Variants in BPIFA2 observed in about 807,000 individuals in gnomAD.
BPIFA2 encodes the protein BPI fold containing family A member 2, also known as BPI fold-containing family A member 2.
In BPIFA2, 20 loss-of-function variants were observed where a neutral mutation model predicts 25.7. The ratio of observed to expected loss-of-function variants is 0.78; its 90% CI spans 0.55 to 1.13. The LOEUF (loss-of-function observed/expected upper bound fraction) is 1.13. BPIFA2 is among the 50% of genes most tolerant of loss of function. The probability of loss-of-function intolerance (pLI) is 0.00; values close to 1 mark genes in which losing one functional copy is unlikely to be tolerated. For synonymous variants in BPIFA2, 126 were observed against 124.3 expected (o/e 1.01, Z -0.09); for missense variants, 300 against 298.1 (o/e 1.01, Z -0.05).
chr20:33,165,482 C>G (rs1477093501), upstream of BPIFA2, among the ~76,000 whole-genome samples: 1 of 152,170 alleles, frequency 6.6e-6, no homozygotes, highest in East Asian at 1.9e-4. Context: ...CAGCTGAGCA[C>G]CCCCCAGCCT....
At position 33,173,081 on chromosome 20, in the gene BPIFA2, G is replaced by C. The variant is rs370683552; in HGVS notation, c.302+5G>C. The C allele has an allele frequency of 1.4e-5, 22 of 1,613,386 alleles. No individual in the cohort carries two copies. The highest frequency in any genetic ancestry group is 1.8e-5 in the Non-Finnish European group (21 of 1,179,726). On this transcript the variant is annotated splice_donor_5th_base_variant and intron_variant, in intron 3 of 8. Transcript: ENST00000354932. ...AACTAACACGGACATTTTTGGGTGA[G>C]TTGGTCCTTCAGGGTGGAGATCTTT...
chr20:33,165,886 C>T (rs142280947), upstream of BPIFA2, among the ~76,000 whole-genome samples: 106 of 152,132 alleles, frequency 7.0e-4, no homozygotes, highest in African/African-American at 2.5e-3. Context: ...TTTCTTTTTC[C>T]GGAATGACTC....
chr20:33,166,721 G>A (rs1349671656), upstream of BPIFA2, among the ~76,000 whole-genome samples: 5 of 152,134 alleles, frequency 3.3e-5, no homozygotes, highest in African/African-American at 4.8e-5. Flanking sequence ...CTAGGTCCTT[G>A]CCTGTCCACC....
intron 5 of BPIFA2, 146 bp downstream of exon 5, chr20:33,175,705 T>C: frequency 2.4e-6 from 2 of 834,508 alleles, no homozygotes; most frequent in Admixed American, 6.2e-5. Context: ...ACACATCAGC[T>C]CTGCCACTAA....
intron 2 of BPIFA2, among the ~76,000 whole-genome samples, chr20:33,169,612 G>A (rs1004616229): frequency 2.6e-5 from 4 of 152,214 alleles, no homozygotes; most frequent in African/African-American, 9.6e-5. Context: ...GTCTACGAAA[G>A]TGCCTTTTTT....
At chr20:33,163,126 G>A (rs549790121) in intron 1 of BPIFA2, among the ~76,000 whole-genome samples, 42 of 152,334 alleles carry the variant, frequency 2.8e-4, no homozygotes, top group African/African-American at 1.0e-3. Flanking sequence ...CAGGACCCAG[G>A]TGAGACGCTC....
rs775419708 is a variant in BPIFA2 at position 33,174,048 on chromosome 20, G to T, written c.303-31G>T. On this transcript the variant is annotated intron_variant, in intron 3 of 8. Coordinates refer to ENST00000354932, the MANE Select transcript of BPIFA2 (RefSeq NM_080574.4). ...GGTTGGCAAGTGGCTGTCATGAGGA[G>T]TGACAAGGGTGAATTGTGGGTTTCA... The T allele has an allele frequency of 1.1e-5, 18 of 1,583,012 alleles. No homozygotes were observed. The South Asian group carries it at 1.9e-4, about 17-fold the overall frequency.
At position 33,173,017 on chromosome 20, in the gene BPIFA2, T is replaced by C. The variant is rs1600599664; in HGVS notation, c.243T>C (p.Ala81=). Residue 81 remains alanine, a synonymous_variant, in exon 3 of 9, where the codon GCT becomes GCC. Coordinates refer to ENST00000354932, the MANE Select transcript of BPIFA2 (RefSeq NM_080574.4). The part of the protein sequence containing the change: ...WQLAKQKAQE[A]EKLLNNVISK... ...TGGCCAAGCAGAAGGCCCAGGAAGCTGAGAAATTGCTGAACAATGTCATTT... is the reference window on the plus strand; with the variant it reads ...TGGCCAAGCAGAAGGCCCAGGAAGCCGAGAAATTGCTGAACAATGTCATTT... 1 of 1,614,126 alleles carries C rather than the reference T, an allele frequency of 6.2e-7. No homozygotes were observed. Among genetic ancestry groups the C allele is most frequent in the Non-Finnish European group, 8.5e-7 (1 of 1,180,022 alleles).
chr20:33,171,521 G>A (rs1247208270), intron 2 of BPIFA2, among the ~76,000 whole-genome samples: 1 of 151,916 alleles, frequency 6.6e-6, no homozygotes, highest in East Asian at 1.9e-4. Flanking sequence ...AATCTACAAG[G>A]AACTTAAACA....
chr20:33,175,654 G>A, intron 5 of BPIFA2, 95 bp downstream of exon 5: 1 of 1,355,578 alleles, frequency 7.4e-7, no homozygotes, highest in East Asian at 2.4e-5. Context: ...AGGCCTAGTG[G>A]TGAAAGTGTT....
At chr20:33,168,781 GC>G (rs2146450349) in intron 1 of BPIFA2, among the ~76,000 whole-genome samples, 1 of 152,304 alleles carries the variant, frequency 6.6e-6, no homozygotes, top group South Asian at 2.1e-4. Flanking sequence ...CTGGGAAGGG[GC>G]CTACAGTAGG....
intron 2 of BPIFA2, 118 bp from the exon 3 acceptor site, chr20:33,172,814 C>T: frequency 8.7e-7 from 1 of 1,147,536 alleles, no homozygotes; most frequent in East Asian, 2.6e-5. Flanking sequence ...ATCTACTTCA[C>T]TGAGTTGTTA....
chr20:33,168,924 C>T (rs1223931325), intron 1 of BPIFA2, among the ~76,000 whole-genome samples: 1 of 152,212 alleles, frequency 6.6e-6, no homozygotes, highest in African/African-American at 2.4e-5. Context: ...TCAAGTCTGA[C>T]TTTTCAAATC....
At chr20:33,164,467 G>A (rs1983664489), upstream of BPIFA2, among the ~76,000 whole-genome samples, 1 of 152,084 alleles carries the variant, frequency 6.6e-6, no homozygotes, top group African/African-American at 2.4e-5. Flanking sequence ...CCCTCAGAGA[G>A]TGGGACTGGC....
chr20:33,175,761 G>A (rs1376394534), intron 5 of BPIFA2, among the ~76,000 whole-genome samples: 1 of 152,140 alleles, frequency 6.6e-6, no homozygotes, highest in East Asian at 1.9e-4. Flanking sequence ...TTTCACATCT[G>A]TAAACTGGGG....
At chr20:33,168,470 T>A (rs1213208169) in intron 1 of BPIFA2, among the ~76,000 whole-genome samples, 4 of 152,064 alleles carry the variant, frequency 2.6e-5, no homozygotes, top group Non-Finnish European at 5.9e-5. Flanking sequence ...TCAGAGTAAA[T>A]TTAGAGATCT....
intron 2 of BPIFA2, among the ~76,000 whole-genome samples, chr20:33,171,246 G>T (rs1285787347): frequency 6.6e-6 from 1 of 151,948 alleles, no homozygotes. Context: ...GAAATTTAAA[G>T]TAGTTTTTTT....
At chr20:33,172,595 C>T (rs1201653128) in intron 2 of BPIFA2, among the ~76,000 whole-genome samples, 5 of 152,080 alleles carry the variant, frequency 3.3e-5, no homozygotes, top group African/African-American at 1.2e-4. Flanking sequence ...CAATGGACCC[C>T]TAAGTCACTC....
upstream of BPIFA2, among the ~76,000 whole-genome samples, chr20:33,164,066 T>C (rs983342672): frequency 2.6e-5 from 4 of 152,214 alleles, no homozygotes; most frequent in Non-Finnish European, 5.9e-5. Flanking sequence ...CCTACTGCCC[T>C]GGAGTTGGCC....
Sources: allele counts gnomAD v4.1 joint callset (sites outside exome capture counted in the v4.1 genomes callset), GRCh38; gene constraint gnomAD v4.1.1; transcripts MANE v1.5; gene names NCBI Gene and HGNC (gene_info 2026-07-23, HGNC 2026-07-21).